Variants in AKAP9 observed in about 807,000 individuals in gnomAD.
AKAP9 encodes the protein A-kinase anchoring protein 9, also known as A-kinase anchor protein 9.
In AKAP9, 311 loss-of-function variants were observed where a neutral mutation model predicts 488.5. The ratio of observed to expected loss-of-function variants is 0.64; its 90% CI spans 0.58 to 0.70. The LOEUF (loss-of-function observed/expected upper bound fraction) is 0.70, where lower values mean the gene tolerates loss of function less well. Among genes scored for constraint, AKAP9 ranks in the 30% least tolerant of loss-of-function variants. The pLI, the probability that AKAP9 is intolerant of heterozygous loss-of-function variation, is 0.00. For missense variants in AKAP9, 4,215 were observed against 4,374.5 expected, an observed-to-expected ratio of 0.96 and a Z score of 1.03; for synonymous variants, 1,462 against 1,483.5, an observed-to-expected ratio of 0.99 and a Z score of 0.33.
chr7:91,954,217 A>G (rs1237016630), intron 1 of AKAP9, among the ~76,000 whole-genome samples: 1 of 152,344 alleles, frequency 6.6e-6, no homozygotes, highest in South Asian at 2.1e-4. Flanking sequence ...CAGTTTGCAC[A>G]TGACCAAAAT....
chr7:92,055,649 T>C (rs755896087), intron 22 of AKAP9, among the ~76,000 whole-genome samples: 17 of 152,078 alleles, frequency 1.1e-4, no homozygotes, highest in Non-Finnish European at 1.6e-4. Context: ...GTCTGGATAA[T>C]TAAAAGTGTG....
chr7:92,001,039 A>C lies in AKAP9; in HGVS notation c.1122A>C (p.Lys374Asn), dbSNP rs1470680281. The C allele has an allele frequency of 6.3e-7, 1 of 1,592,974 alleles. No homozygotes were observed. The highest frequency in any genetic ancestry group is 8.5e-7 in the Non-Finnish European group (1 of 1,170,858). Residue 374 changes from lysine (K) to asparagine (N), a missense_variant, in exon 8 of 50, where the codon AAA becomes AAC. Coordinates refer to ENST00000356239, the MANE Select transcript of AKAP9 (RefSeq NM_005751.5). ...EQIVQKNQEI[K>N]NMKLELTNSK... Reference sequence around the variant, plus strand: ...TTGTGCAAAAGAACCAAGAAATAAAAAACATGAAATTAGAGCTGACTAATT... The same window carrying C: ...TTGTGCAAAAGAACCAAGAAATAAACAACATGAAATTAGAGCTGACTAATT...
intron 22 of AKAP9, among the ~76,000 whole-genome samples, chr7:92,053,426 G>A (rs950262386): frequency 6.6e-6 from 1 of 152,148 alleles, no homozygotes; most frequent in Non-Finnish European, 1.5e-5. Flanking sequence ...GAAGTGGTCA[G>A]TGGTTCCAAT....
chr7:92,096,733 G>C lies in AKAP9; in HGVS notation c.9774G>C (p.Gln3258His). The change falls in exon 41 of 50, where the codon CAG (glutamine) becomes CAC (histidine). Residue 3258 changes from glutamine to histidine, a missense_variant. Coordinates refer to ENST00000356239, the MANE Select transcript of AKAP9 (RefSeq NM_005751.5). ...AGAGTCAGAAACAAAGGAATCTTCA[G>C]CTAAATCTACTTTTGGAACAACAGA... ...SLESQKQRNL[Q>H]LNLLLEQQKQ... is the part of the protein sequence containing the mutation. 6.2e-7 allele frequency: 1 copy of C among 1,614,186 alleles called. No homozygotes were observed. The highest frequency in any genetic ancestry group is 1.1e-5 in the South Asian group (1 of 91,074).
intron 30 of AKAP9, 126 bp from the exon 31 acceptor site, chr7:92,078,953 T>C (rs538913235): frequency 1.6e-6 from 1 of 608,530 alleles, no homozygotes; most frequent in Non-Finnish European, 2.8e-6. Flanking sequence ...AAGTAGTATG[T>C]CTGAGAAGTA....
At chr7:92,013,268 G>T (rs566556311) in intron 9 of AKAP9, among the ~76,000 whole-genome samples, 6 of 151,930 alleles carry the variant, frequency 3.9e-5, no homozygotes, top group African/African-American at 1.5e-4. Context: ...TGGGATTACA[G>T]GCGTGAGCCA....
intron 40 of AKAP9, 64 bp from the exon 41 acceptor site, chr7:92,096,625 C>T (rs1257570958): frequency 3.1e-6 from 5 of 1,594,228 alleles, no homozygotes; most frequent in South Asian, 1.1e-5. Context: ...GCGTGAGCCA[C>T]CACGCCCGGC....
Position 92,085,624 on chromosome 7 carries a change from A to C in AKAP9, c.8962A>C (p.Ile2988Leu), listed in dbSNP as rs1814409672. The C allele has an allele frequency of 1.9e-6, 3 of 1,613,858 alleles. No individual in the cohort carries two copies. Among genetic ancestry groups the C allele is most frequent in the Admixed American group, 1.7e-5 (1 of 59,970 alleles). The stretch of plus-strand genomic sequence containing the variant: ...TTGGCTAGAAGAGAGAAAAGCTTAC[A>C]TCAATACAATCTCATCTCTAAAGGA... ...EPWLEERKAY[I>L]NTISSLKDLI... Residue 2988 changes from isoleucine to leucine, a missense_variant, in exon 36 of 50, where the codon ATC (isoleucine) becomes CTC (leucine). Physicochemically the swap from Ile to Leu is conservative, Grantham distance 5. Around this residue, in one of 5 missense-constraint regions of AKAP9, gnomAD observed 1,476 missense variants for 1,477.4 expected, o/e 1.00. Transcript: ENST00000356239.
At chr7:92,019,111 A>G (rs1584148643) in intron 12 of AKAP9, among the ~76,000 whole-genome samples, 1 of 152,072 alleles carries the variant, frequency 6.6e-6, no homozygotes. Context: ...ATTCAGTTAT[A>G]CAGTCAACAA....
rs1203769632 is a variant in AKAP9 at position 92,029,922 on chromosome 7, A to T, written c.4176A>T (p.Thr1392=). The change falls in exon 15 of 50, where the codon ACA becomes ACT. Residue 1392 remains threonine (T), a synonymous_variant. Coordinates refer to ENST00000356239, the MANE Select transcript of AKAP9 (RefSeq NM_005751.5). ...TACCTGTTGATTCGGTGGTAATTAC[A>T]GAATCTGATGCACAGAGAACAATGT... The part of the protein sequence containing the change: ...PSLPVDSVVI[T]ESDAQRTMYP... 1.2e-6 allele frequency: 2 copies of T among 1,613,052 alleles called. No individual in the cohort carries two copies. Among genetic ancestry groups the T allele is most frequent in the Non-Finnish European group, 1.7e-6 (2 of 1,179,148 alleles).
intron 2 of AKAP9, among the ~76,000 whole-genome samples, chr7:91,977,166 G>A (rs1002462456): frequency 5.3e-5 from 8 of 152,130 alleles, no homozygotes; most frequent in Non-Finnish European, 1.2e-4. Flanking sequence ...AGGCTAAGGT[G>A]GGAGAATCGC....
intron 25 of AKAP9, among the ~76,000 whole-genome samples, chr7:92,066,141 TA>T (rs1368189582): frequency 6.6e-6 from 1 of 152,238 alleles, no homozygotes; most frequent in Non-Finnish European, 1.5e-5. Context: ...TTAAGGTGAA[TA>T]TTTTTTCATC....
chr7:92,066,181 AG>A (rs1810736427), intron 25 of AKAP9, among the ~76,000 whole-genome samples: 1 of 152,222 alleles, frequency 6.6e-6, no homozygotes, highest in African/African-American at 2.4e-5. Context: ...GAATAAAAAA[AG>A]AAATGTACTT....
intron 1 of AKAP9, among the ~76,000 whole-genome samples, chr7:91,969,016 C>T (rs909186595): frequency 4.6e-5 from 7 of 152,066 alleles, no homozygotes; most frequent in East Asian, 1.9e-4. Context: ...GCACCACAGG[C>T]GTGGGACACC....
At chr7:91,944,896 CCTTT>C (rs1330160110) in intron 1 of AKAP9, among the ~76,000 whole-genome samples, 1 of 152,154 alleles carries the variant, frequency 6.6e-6, no homozygotes, top group East Asian at 1.9e-4. Flanking sequence ...TTATAGATTT[CCTTT>C]CTGTTTTTGT....
chr7:92,003,366 T>C, intron 8 of AKAP9, 131 bp downstream of exon 8: 1 of 708,550 alleles, frequency 1.4e-6, no homozygotes. Flanking sequence ...GATGTAATTT[T>C]AACTTGAGCC....
chr7:92,034,498 ATTTTTT>A (rs59961119), intron 16 of AKAP9, among the ~76,000 whole-genome samples: 117 of 95,428 alleles, frequency 1.2e-3, no homozygotes, highest in African/African-American at 4.6e-3. Context: ...ATATATATAT[ATTTTTT>A]TTTTTTTTTT....
chr7:92,074,484 C>T (rs906965991), intron 28 of AKAP9, among the ~76,000 whole-genome samples: 1 of 152,160 alleles, frequency 6.6e-6, no homozygotes, highest in Non-Finnish European at 1.5e-5. Flanking sequence ...ACCAGAAATA[C>T]CTTTTGACCC....
At position 92,031,555 on chromosome 7, in the gene AKAP9, A is replaced by C; in HGVS notation, c.4289A>C (p.Lys1430Thr). The change falls in exon 16 of 50, where the codon AAG becomes ACG. Residue 1430 changes from lysine to threonine, a missense_variant. Physicochemically the swap from Lys to Thr is moderately conservative, Grantham distance 78. Coordinates refer to ENST00000356239, the MANE Select transcript of AKAP9 (RefSeq NM_005751.5). ...GTGAAAGAGGAAACAAATATCGTTA[A>C]GTTGCTTGAAAAACAATACCAAGAA... is the stretch of plus-strand genomic sequence containing the variant. ...FGVKEETNIV[K>T]LLEKQYQEQL... is the part of the protein sequence containing the mutation. 6.2e-7 allele frequency: 1 copy of C among 1,612,938 alleles called. No homozygotes were observed. The highest frequency in any genetic ancestry group is 1.7e-4 in the Middle Eastern group (1 of 6,048).
Sources: allele counts gnomAD v4.1 joint callset (sites outside exome capture counted in the v4.1 genomes callset), GRCh38; gene constraint gnomAD v4.1.1; regional missense constraint gnomAD v4.1.1; transcripts MANE v1.5; gene names NCBI Gene and HGNC (gene_info 2026-07-23, HGNC 2026-07-21).